TM2D3: variants seen among roughly 807,000 people sequenced by gnomAD.
TM2D3 encodes the protein TM2 domain-containing protein 3.
A neutral mutation model predicts 27.3 loss-of-function variants in TM2D3; 33 were observed. The observed-to-expected ratio is 1.21, with a 90% CI of 0.92 to 1.61. The LOEUF is 1.61. TM2D3 is among the 40% of genes most tolerant of loss of function. The probability of loss-of-function intolerance (pLI) is 0.00; values close to 1 mark genes in which losing one functional copy is unlikely to be tolerated. For synonymous variants in TM2D3, 138 were observed against 122.2 expected, an observed-to-expected ratio of 1.13 and a Z score of -0.85; for missense variants, 364 against 320.8, an observed-to-expected ratio of 1.13 and a Z score of -1.03.
intron 3 of TM2D3, among the ~76,000 whole-genome samples, chr15:101,649,667 T>C (rs1422687085): frequency 6.6e-6 from 1 of 152,230 alleles, no homozygotes; most frequent in African/African-American, 2.4e-5. Context: ...GCTGTCACTA[T>C]TGAGAACACA....
Position 101,646,809 on chromosome 15 carries a change from T to C in TM2D3, c.418A>G (p.Asn140Asp). 6.2e-7 allele frequency: 1 copy of C among 1,614,212 alleles called. No homozygotes were observed. The highest frequency in any genetic ancestry group is 8.5e-7 in the Non-Finnish European group (1 of 1,180,028). ...QLPETDYECT[N>D]STSCMTVSCP... ...GACACCGTCATGCAGCTGGTGGAGT[T>C]GGTACACTCGTAATCTGTTTCAGGA... is the stretch of plus-strand genomic sequence containing the variant. The change falls in exon 4 of 6, where the codon AAC (asparagine) becomes GAC (aspartate). Residue 140 changes from asparagine to aspartate, a missense_variant. By Grantham distance (23) the Asn-to-Asp change is conservative. Coordinates refer to ENST00000333202, the MANE Select transcript of TM2D3 (RefSeq NM_078474.3).
At chr15:101,645,741 A>G (rs1192136669) in intron 4 of TM2D3, 2 of 152,210 alleles carry the variant, frequency 1.3e-5, no homozygotes, top group East Asian at 1.9e-4. Flanking sequence ...ACCACCACAA[A>G]AAAGGACTAA....
chr15:101,640,672 A>C (rs1896645669), downstream of TM2D3, among the ~76,000 whole-genome samples: 1 of 152,198 alleles, frequency 6.6e-6, no homozygotes, highest in Non-Finnish European at 1.5e-5. Context: ...ATCGTTCATA[A>C]ATTTGTTTGT....
intron 1 of TM2D3, 190 bp downstream of exon 1, chr15:101,652,081 G>C: frequency 1.8e-6 from 1 of 570,932 alleles, no homozygotes. Flanking sequence ...CGGTGTCGCC[G>C]GAGCGGAGGG....
At chr15:101,651,663 C>T in intron 2 of TM2D3, 33 bp downstream of exon 2, 1 of 1,592,778 alleles carries the variant, frequency 6.3e-7, no homozygotes, top group African/African-American at 1.3e-5. Context: ...GAGATAACTA[C>T]ATGTATTTAC....
At chr15:101,636,510 T>G (rs1896553255) in intron 4 of TM2D3, 1 of 152,406 alleles carries the variant, frequency 6.6e-6, no homozygotes, top group Non-Finnish European at 1.5e-5. Flanking sequence ...CAGCTTAACA[T>G]GGAGTGTTTA....
Position 101,651,678 on chromosome 15 carries a change from A to C in TM2D3, c.169+18T>G, listed in dbSNP as rs1896973547. 3 of 1,611,192 alleles carry C rather than the reference A, an allele frequency of 1.9e-6. No individual in the cohort carries two copies. Among genetic ancestry groups the C allele is most frequent in the Middle Eastern group, 1.7e-4 (1 of 6,054 alleles). ...GAGATAACTACATGTATTTACTAGA[A>C]TAGAAAACGTCTAGTACCTGCTGCC... On this transcript the variant is annotated intron_variant, in intron 2 of 5. Transcript: ENST00000333202.
chr15:101,646,713 A>C lies in TM2D3; in HGVS notation c.502+12T>G, dbSNP rs1896819893. 1 of 1,613,828 alleles carries C rather than the reference A, an allele frequency of 6.2e-7. No individual in the cohort carries two copies. The highest frequency in any genetic ancestry group is 1.1e-5 in the South Asian group (1 of 91,070). ...ACATTTTGTTGACAAATGTCCTTGA[A>C]CTCTGACCTACCCAAGCAGTGGACG... On this transcript the variant is annotated intron_variant, in intron 4 of 5. Transcript: ENST00000333202.
At position 101,646,784 on chromosome 15, in the gene TM2D3, G is replaced by C; in HGVS notation, c.443C>G (p.Ser148Cys). The C allele has an allele frequency of 1.2e-6, 2 of 1,614,206 alleles. No homozygotes were observed. Among genetic ancestry groups the C allele is most frequent in the Non-Finnish European group, 1.7e-6 (2 of 1,180,026 alleles). Residue 148 changes from serine to cysteine, a missense_variant, in exon 4 of 6, where the codon TCC (serine) becomes TGC (cysteine). Coordinates refer to ENST00000333202, the MANE Select transcript of TM2D3 (RefSeq NM_078474.3). ...GGCAGGGTAGCGCTGCCGAGGACAG[G>C]ACACCGTCATGCAGCTGGTGGAGTT... ...CTNSTSCMTV[S>C]CPRQRYPANC... is the part of the protein sequence containing the mutation.
Position 101,646,887 on chromosome 15 carries a change from T to TG in TM2D3, c.339dup (p.Lys114GlnfsTer9). 6.2e-7 allele frequency: 1 copy of TG among 1,614,192 alleles called. No individual in the cohort carries two copies. Among genetic ancestry groups the TG allele is most frequent in the Non-Finnish European group, 8.5e-7 (1 of 1,180,032 alleles). ...TTAATGATGAAGTTCTTTTGGGATT[T>TG]GAAGTCTTGATCCTATGTAGCAAAT... On this transcript the variant is annotated frameshift_variant, in exon 4 of 6. Coordinates refer to ENST00000333202, the MANE Select transcript of TM2D3 (RefSeq NM_078474.3). LOFTEE classifies it high-confidence loss of function.
rs1896687451 is a variant in TM2D3, at chr15:101,642,273, C to G, written c.*206G>C. 1.6e-6 allele frequency: 2 copies of G among 1,240,056 alleles called. No homozygotes were observed. The highest frequency in any genetic ancestry group is 2.0e-6 in the Non-Finnish European group (2 of 990,656). The allele number at this position is 1,240,056 out of a possible 1,614,324, so 76.8% of individuals were successfully genotyped here. A position where few individuals can be genotyped will look rare whatever the true frequency, so the allele number is the denominator to read the frequency against. On this transcript the variant is annotated 3_prime_UTR_variant, in exon 6 of 6. Transcript: ENST00000333202. ...TGGCTTAAGTACGTTTTAATTTTTTCACAGAAAAAAATATATTTCAGGCAA... is the reference window on the plus strand; with the variant it reads ...TGGCTTAAGTACGTTTTAATTTTTTGACAGAAAAAAATATATTTCAGGCAA...
In TM2D3 at chr15:101,652,296, C is replaced by G. The variant is rs1282080680; in HGVS notation, c.66G>C (p.Ser22=). ...RALCRVLLFL[S]QFCILSGGEQ... is the part of the protein sequence containing the mutation. Reference sequence around the variant, plus strand: ...CACCGCCCGACAGAATGCAGAACTGCGAGAGGAAGAGCAGCACGCGACACA... The same window carrying G: ...CACCGCCCGACAGAATGCAGAACTGGGAGAGGAAGAGCAGCACGCGACACA... Residue 22 remains serine (S), a synonymous_variant, in exon 1 of 6, where the codon TCG becomes TCC. Coordinates refer to ENST00000333202, the MANE Select transcript of TM2D3 (RefSeq NM_078474.3). 1.9e-6 allele frequency: 3 copies of G among 1,604,758 alleles called. No homozygotes were observed. The Admixed American group carries it at 5.0e-5, about 27-fold the overall frequency.
chr15:101,645,218 C>T, intron 4 of TM2D3, 56 bp from the exon 5 acceptor site: 1 of 1,420,322 alleles, frequency 7.0e-7, no homozygotes, highest in Non-Finnish European at 9.6e-7. Flanking sequence ...CTCAGAAAGA[C>T]TTAATTGTAA....
intron 3 of TM2D3, chr15:101,648,437 C>G (rs1201184294): frequency 6.6e-6 from 1 of 152,216 alleles, no homozygotes; most frequent in East Asian, 1.9e-4. Flanking sequence ...TGCCTATTTT[C>G]AGTGATGTGC....
chr15:101,646,595 G>T, intron 4 of TM2D3, 130 bp downstream of exon 4: 1 of 915,724 alleles, frequency 1.1e-6, no homozygotes, highest in Non-Finnish European at 1.7e-6. Flanking sequence ...GATGATGCTT[G>T]GCACATCTAA....
At chr15:101,646,394 G>T in intron 4 of TM2D3, 2 of 115,174 alleles carry the variant, frequency 1.7e-5, no homozygotes, top group Non-Finnish European at 2.2e-5. Context: ...AAGGCAACCA[G>T]GTGAAGGCAA....
Position 101,652,294 on chromosome 15 carries a change from T to A in TM2D3, c.68A>T (p.Gln23Leu), listed in dbSNP as rs1897009877. 6.2e-7 allele frequency: 1 copy of A among 1,604,720 alleles called. No homozygotes were observed. Among genetic ancestry groups the A allele is most frequent in the African/African-American group, 1.4e-5 (1 of 73,090 alleles). ...ALCRVLLFLS[Q>L]FCILSGGEQS... The stretch of plus-strand genomic sequence containing the variant: ...ACCACCGCCCGACAGAATGCAGAAC[T>A]GCGAGAGGAAGAGCAGCACGCGACA... Residue 23 changes from glutamine (Q) to leucine (L), a missense_variant, in exon 1 of 6, where the codon CAG becomes CTG. Gln to Leu is a moderately radical substitution (Grantham distance 113). Transcript: ENST00000333202.
chr15:101,651,059 A>G (rs1368834197), intron 2 of TM2D3: 1 of 152,470 alleles, frequency 6.6e-6, no homozygotes, highest in Non-Finnish European at 1.5e-5. Context: ...AAACACACTA[A>G]TGCTTGTTTA....
At chr15:101,638,678 T>C (rs1487529423), downstream of TM2D3, among the ~76,000 whole-genome samples, 1 of 152,200 alleles carries the variant, frequency 6.6e-6, no homozygotes, top group Non-Finnish European at 1.5e-5. Context: ...AATAATTTTT[T>C]TTCCCTGTAT....
Sources: allele counts gnomAD v4.1 joint callset (sites outside exome capture counted in the v4.1 genomes callset), GRCh38; gene constraint gnomAD v4.1.1; transcripts MANE v1.5; gene names NCBI Gene and HGNC (gene_info 2026-07-23, HGNC 2026-07-21).